Variants in KIZ observed in about 807,000 individuals in gnomAD.
KIZ encodes centrosomal protein kizuna.
Under a neutral mutation model 79.6 loss-of-function variants are expected in KIZ, and 68 were observed. That is an observed-to-expected ratio of 0.85 (90% CI 0.70 to 1.05). KIZ has a LOEUF of 1.05. KIZ is among the 50% of genes least tolerant of loss of function. The pLI is 0.00. For missense variants in KIZ, 797 were observed against 800.4 expected (o/e 1.00, Z 0.05); for synonymous variants, 280 against 281.8 (o/e 0.99, Z 0.06).
intron 11 of KIZ, among the ~76,000 whole-genome samples, chr20:21,239,841 G>A (rs933236723): frequency 6.6e-6 from 1 of 152,206 alleles, no homozygotes; most frequent in African/African-American, 2.4e-5. Context: ...GTTTAACAAG[G>A]TTGAGAACAC....
At chr20:21,142,790 C>CAAATAAATAAATAAAT (rs56314647) in intron 3 of KIZ, among the ~76,000 whole-genome samples, 11,892 of 147,834 alleles carry the variant, frequency 0.08, 1,256 homozygotes, top group African/African-American at 0.24. Context: ...GCCCTTGTCT[C>CAAATAAATAAATAAAT]AAATAAATAA....
At chr20:21,127,258 C>A in intron 1 of KIZ, among the ~76,000 whole-genome samples, 1 of 152,260 alleles carries the variant, frequency 6.6e-6, no homozygotes, top group East Asian at 1.9e-4. Flanking sequence ...TGACATGTCA[C>A]CGCTCACCCA....
intron 5 of KIZ, 28 bp from the exon 6 acceptor site, chr20:21,162,820 TTG>T: frequency 1.3e-6 from 2 of 1,574,178 alleles, no homozygotes; most frequent in Non-Finnish European, 8.7e-7. Flanking sequence ...AAGTCAGTGA[TTG>T]GTAATCAGTT....
intron 4 of KIZ, among the ~76,000 whole-genome samples, chr20:21,160,090 C>T (rs1221511552): frequency 6.6e-6 from 1 of 152,194 alleles, no homozygotes; most frequent in Non-Finnish European, 1.5e-5. Flanking sequence ...TGAACCTTCT[C>T]ATACCAGAAG....
At chr20:21,198,084 A>G (rs1030526294) in intron 6 of KIZ, 6 of 152,264 alleles carry the variant, frequency 3.9e-5, no homozygotes, top group Admixed American at 2.0e-4. Flanking sequence ...TTATTTTGAG[A>G]CAGAGTCTTG....
chr20:21,177,351 A>T (rs2034479331), intron 6 of KIZ, among the ~76,000 whole-genome samples: 1 of 151,918 alleles, frequency 6.6e-6, no homozygotes, highest in Non-Finnish European at 1.5e-5. Context: ...CTTTTCATAT[A>T]CCTCTTGGCC....
At chr20:21,232,343 A>T (rs1222538718) in intron 10 of KIZ, among the ~76,000 whole-genome samples, 1 of 152,164 alleles carries the variant, frequency 6.6e-6, no homozygotes, top group Non-Finnish European at 1.5e-5. Context: ...AAGGTGGGTG[A>T]CTGTTATCCA....
intron 11 of KIZ, among the ~76,000 whole-genome samples, chr20:21,234,035 T>C (rs1401445676): frequency 2.6e-5 from 4 of 152,168 alleles, no homozygotes; most frequent in Non-Finnish European, 5.9e-5. Context: ...AGACAGTAAA[T>C]TCTACAGATA....
At chr20:21,190,724 T>G (rs1198653493) in intron 6 of KIZ, among the ~76,000 whole-genome samples, 1 of 152,234 alleles carries the variant, frequency 6.6e-6, no homozygotes, top group Non-Finnish European at 1.5e-5. Flanking sequence ...TTAAATGTTG[T>G]TATTTGTAAG....
At chr20:21,158,677 A>T (rs2033503365) in intron 4 of KIZ, 1 of 152,224 alleles carries the variant, frequency 6.6e-6, no homozygotes, top group Non-Finnish European at 1.5e-5. Context: ...TCTGGGGAGA[A>T]CAGCTAGAGG....
chr20:21,142,298 A>T (rs890579006), intron 3 of KIZ, among the ~76,000 whole-genome samples: 6 of 151,980 alleles, frequency 3.9e-5, no homozygotes, highest in Admixed American at 3.3e-4. Flanking sequence ...AATTGTTTAC[A>T]TGTCTGTTTT....
chr20:21,231,797 A>G (rs528406924), intron 10 of KIZ, among the ~76,000 whole-genome samples: 70 of 152,320 alleles, frequency 4.6e-4, no homozygotes, highest in African/African-American at 1.7e-3. Context: ...CCCACCCCAC[A>G]TCTAACTAAT....
At chr20:21,216,508 A>G (rs1193194297) in intron 9 of KIZ, among the ~76,000 whole-genome samples, 3 of 152,218 alleles carry the variant, frequency 2.0e-5, no homozygotes, top group Non-Finnish European at 4.4e-5. Context: ...CTGGTTTTGA[A>G]AAAGCAGTTT....
chr20:21,136,500 A>G lies in KIZ; in HGVS notation c.263A>G (p.Gln88Arg), dbSNP rs1159777193. ...QEYLKRFERV[Q>R]AHVVHFTTNT... ...TATTTAAAGCGATTTGAGCGTGTCC[A>G]AGCTCATGTTGTACACTTCACCACA... The change falls in exon 3 of 13, where the codon CAA becomes CGA. Residue 88 changes from glutamine to arginine, a missense_variant. By Grantham distance (43) the Gln-to-Arg change is conservative. Transcript: ENST00000619189. 1 of 1,603,606 alleles carries G rather than the reference A, an allele frequency of 6.2e-7. No homozygotes were observed. The highest frequency in any genetic ancestry group is 8.5e-7 in the Non-Finnish European group (1 of 1,174,202).
Position 21,161,877 on chromosome 20 carries a change from G to A in KIZ, c.412G>A (p.Val138Met), listed in dbSNP as rs2033676120. 6.2e-7 allele frequency: 1 copy of A among 1,610,152 alleles called. No homozygotes were observed. The part of the protein sequence containing the change: ...LTDEDREKVA[V>M]HEGINSGTAM... The stretch of plus-strand genomic sequence containing the variant: ...ATCTCTTTTGGTGTTGCAGGTTGCA[G>A]TGCACGAGGGGATTAACTCAGGAAC... Residue 138 changes from valine (V) to methionine (M), a missense_variant, in exon 5 of 13, where the codon GTG becomes ATG. Physicochemically the swap from Val to Met is conservative, Grantham distance 21. Transcript: ENST00000619189.
chr20:21,201,860 C>T (rs2035613260), intron 6 of KIZ, among the ~76,000 whole-genome samples: 1 of 152,202 alleles, frequency 6.6e-6, no homozygotes, highest in Admixed American at 6.5e-5. Flanking sequence ...GGCGAAGCTC[C>T]ATTTAGGGAA....
intron 11 of KIZ, among the ~76,000 whole-genome samples, chr20:21,235,573 C>T (rs369009515): frequency 1.3e-5 from 2 of 152,282 alleles, no homozygotes; most frequent in Admixed American, 1.3e-4. Context: ...CTCGCTTTAC[C>T]TTCCCCAGCA....
chr20:21,244,740 C>T (rs2037330882), intron 12 of KIZ: 2 of 162,592 alleles, frequency 1.2e-5, no homozygotes, highest in African/African-American at 4.8e-5. Flanking sequence ...AGCCTCCAAA[C>T]CCTGGCTTCC....
chr20:21,206,693 T>A (rs1278137405), intron 7 of KIZ, among the ~76,000 whole-genome samples: 3 of 152,190 alleles, frequency 2.0e-5, no homozygotes, highest in African/African-American at 7.2e-5. Flanking sequence ...GAAAAGCCAC[T>A]GGAGCTTTTT....
Sources: gnomAD v4.1 joint callset for allele counts (sites outside exome capture counted in the v4.1 genomes callset) on GRCh38, gnomAD v4.1.1 for gene constraint, MANE v1.5 for transcripts, NCBI Gene and HGNC (gene_info 2026-07-23, HGNC 2026-07-21) for gene names.